Variants in PDE10A observed in about 807,000 individuals in gnomAD.
PDE10A encodes the protein cAMP and cAMP-inhibited cGMP 3',5'-cyclic phosphodiesterase 10A.
A neutral mutation model predicts 97.7 loss-of-function variants in PDE10A; 39 were observed. The observed-to-expected ratio is 0.40, with a 90% CI of 0.31 to 0.52. The LOEUF (loss-of-function observed/expected upper bound fraction) is 0.52. Ranked by LOEUF, PDE10A falls within the 20% of genes least tolerant of loss-of-function variation. The pLI, the probability that PDE10A is intolerant of heterozygous loss-of-function variation, is 0.56. For synonymous variants in PDE10A, 371 were observed against 376.8 expected (o/e 0.98, Z 0.18); for missense variants, 731 against 1,047.8 (o/e 0.70, Z 4.17).
intron 1 of PDE10A, among the ~76,000 whole-genome samples, chr6:165,919,110 T>C (rs1382436502): frequency 6.6e-6 from 1 of 152,182 alleles, no homozygotes. Flanking sequence ...TACTCAATCT[T>C]TCCCTTCCTT....
chr6:165,744,424 T>G (rs1331620361), intron 1 of PDE10A, among the ~76,000 whole-genome samples: 1 of 152,202 alleles, frequency 6.6e-6, no homozygotes, highest in Non-Finnish European at 1.5e-5. Context: ...ATACCTTTCA[T>G]GTTTAATTCT....
At chr6:165,982,123 G>A (rs1785038624) in intron 1 of PDE10A, among the ~76,000 whole-genome samples, 1 of 152,150 alleles carries the variant, frequency 6.6e-6, no homozygotes, top group Admixed American at 6.5e-5. Context: ...TGTGGTTATT[G>A]AAAACCATAT....
At chr6:165,894,199 G>T in intron 1 of PDE10A, 1 of 417,430 alleles carries the variant, frequency 2.4e-6, no homozygotes, top group Non-Finnish European at 4.9e-6. Flanking sequence ...AGTGCTTTCC[G>T]AAGGAGAGCC....
At chr6:165,871,059 T>C (rs762567368) in intron 1 of PDE10A, among the ~76,000 whole-genome samples, 1 of 152,196 alleles carries the variant, frequency 6.6e-6, no homozygotes, top group Non-Finnish European at 1.5e-5. Flanking sequence ...TTAATAATAA[T>C]TTATTGTATA....
intron 1 of PDE10A, among the ~76,000 whole-genome samples, chr6:165,884,203 G>C (rs1035186136): frequency 6.6e-6 from 1 of 152,242 alleles, no homozygotes; most frequent in South Asian, 2.1e-4. Flanking sequence ...TGGGGCACAC[G>C]TGGTGTCTGC....
At chr6:165,919,759 T>C (rs1357681848) in intron 1 of PDE10A, among the ~76,000 whole-genome samples, 1 of 152,230 alleles carries the variant, frequency 6.6e-6, no homozygotes, top group Non-Finnish European at 1.5e-5. Flanking sequence ...TTTTAAGAGC[T>C]ATAATTATTT....
chr6:165,336,033 A>T, intron 21 of PDE10A, 90 bp downstream of exon 21: 1 of 994,514 alleles, frequency 1.0e-6, no homozygotes, highest in Non-Finnish European at 1.6e-6. Flanking sequence ...AAACACACAG[A>T]CCACAACACA....
intron 18 of PDE10A, among the ~76,000 whole-genome samples, chr6:165,362,512 A>T (rs1783487340): frequency 6.6e-6 from 1 of 152,134 alleles, no homozygotes; most frequent in Non-Finnish European, 1.5e-5. Context: ...ATGACATAAG[A>T]AGAAATAGTC....
At position 165,879,776 on chromosome 6, in the gene PDE10A, A is replaced by AT. The variant is rs547775084; in HGVS notation, c.-615+107752dup. The stretch of plus-strand genomic sequence containing the variant: ...TTATATTTACCGTTTTATTTATATG[A>AT]TTTTTTTGTCACAGTTTTTAAAAAT... On this transcript the variant is annotated intron_variant, in intron 1 of 19. Transcript: ENST00000366882. Among the ~76,000 whole-genome samples the AT allele has an allele frequency of 1.5e-3, 227 of 152,132 alleles. 1 individual carries two copies. Among genetic ancestry groups the AT allele is most frequent in the African/African-American group, 5.1e-3 (211 of 41,492 alleles).
intron 1 of PDE10A, among the ~76,000 whole-genome samples, chr6:165,572,767 G>T (rs1785109040): frequency 6.6e-6 from 1 of 152,192 alleles, no homozygotes; most frequent in South Asian, 2.1e-4. Flanking sequence ...GCTCAGGGAG[G>T]TTGAAGCTGC....
chr6:165,395,368 T>G, intron 14 of PDE10A, 104 bp from the exon 15 acceptor site: 1 of 722,990 alleles, frequency 1.4e-6, no homozygotes, highest in Non-Finnish European at 2.4e-6. Context: ...AAAAAGACAC[T>G]GGGAGCTCAG....
chr6:165,363,136 T>G (rs566931572), intron 18 of PDE10A, among the ~76,000 whole-genome samples: 2 of 152,324 alleles, frequency 1.3e-5, no homozygotes, highest in South Asian at 4.1e-4. Context: ...AAAGACTAGA[T>G]GCTTTCCCCC....
intron 18 of PDE10A, among the ~76,000 whole-genome samples, chr6:165,367,800 A>T (rs1453271034): frequency 1.8e-4 from 8 of 44,776 alleles, no homozygotes; most frequent in East Asian, 5.9e-4. Flanking sequence ...TTCTTAGATT[A>T]AAAAAAAACA....
At chr6:165,940,113 G>C (rs1783461705) in intron 1 of PDE10A, 1 of 152,224 alleles carries the variant, frequency 6.6e-6, no homozygotes, top group South Asian at 2.1e-4. Context: ...CCAAAACTGA[G>C]CACATAAGCC....
rs117182797 is a variant in PDE10A, at chr6:165,896,196, G to T, written c.-615+91333C>A. Among the ~76,000 whole-genome samples, 99 of 152,178 alleles carry T rather than the reference G, an allele frequency of 6.5e-4. No individual in the cohort carries two copies. In the East Asian group the frequency reaches 8.5e-3, roughly 13 times the overall value. On this transcript the variant is annotated intron_variant, in intron 1 of 19. Coordinates refer to the PDE10A transcript ENST00000366882. ...TGCATCTTGCTGGAGTTGTCATCTT[G>T]TTGGGACTCTGTCGAAGCCGTTTCA... is the stretch of plus-strand genomic sequence containing the variant.
intron 1 of PDE10A, among the ~76,000 whole-genome samples, chr6:165,926,317 A>G (rs550455248): frequency 6.6e-6 from 1 of 152,302 alleles, no homozygotes; most frequent in South Asian, 2.1e-4. Flanking sequence ...ATCCCTTCTT[A>G]CCTGGCAACA....
intron 2 of PDE10A, among the ~76,000 whole-genome samples, chr6:165,527,275 G>A (rs888900899): frequency 2.6e-5 from 4 of 152,210 alleles, no homozygotes; most frequent in Non-Finnish European, 4.4e-5. Flanking sequence ...CCCATTTATT[G>A]AGTGACCCAA....
chr6:165,872,158 T>G (rs1367243973), intron 1 of PDE10A, among the ~76,000 whole-genome samples: 1 of 152,204 alleles, frequency 6.6e-6, no homozygotes, highest in Non-Finnish European at 1.5e-5. Flanking sequence ...TTTCTGTTGG[T>G]GTCATTTTCC....
intron 1 of PDE10A, among the ~76,000 whole-genome samples, chr6:165,937,187 G>C (rs1783361107): frequency 6.6e-6 from 1 of 152,164 alleles, no homozygotes; most frequent in South Asian, 2.1e-4. Flanking sequence ...CACTGGGCTT[G>C]GCCATCAAGC....
Sources: allele counts gnomAD v4.1 joint callset (sites outside exome capture counted in the v4.1 genomes callset), GRCh38; gene constraint gnomAD v4.1.1; transcripts MANE v1.5; gene names NCBI Gene and HGNC (gene_info 2026-07-23, HGNC 2026-07-21).